HLTF: variants seen among roughly 807,000 people sequenced by gnomAD.
The protein encoded by HLTF is helicase like transcription factor.
A neutral mutation model predicts 129.4 loss-of-function variants in HLTF; 127 were observed. The ratio of observed to expected loss-of-function variants is 0.98; its 90% CI spans 0.85 to 1.14. HLTF has a LOEUF of 1.14. Among genes scored for constraint, HLTF ranks in the 50% most tolerant of loss-of-function variants. HLTF has a pLI of 0.00. For missense variants in HLTF, 1,139 were observed against 1,187.1 expected, an observed-to-expected ratio of 0.96 and a Z score of 0.60; for synonymous variants, 332 against 388.8, an observed-to-expected ratio of 0.85 and a Z score of 1.72.
intron 12 of HLTF, among the ~76,000 whole-genome samples, chr3:149,060,225 C>T (rs924684608): frequency 1.3e-5 from 2 of 152,068 alleles, no homozygotes; most frequent in Middle Eastern, 3.4e-3. Flanking sequence ...ATGTGAATTA[C>T]AGGAAAATAA....
In HLTF at chr3:149,086,450, G is replaced by C. The variant is rs1720434617; in HGVS notation, c.-114C>G. ...CCCTGAAGCCGGGGACAAATTCCGA[G>C]CGCCGGATCAGGAGCGCACGACTGA... On this transcript the variant is annotated 5_prime_UTR_variant, in exon 1 of 25. Coordinates refer to ENST00000310053, the MANE Select transcript of HLTF (RefSeq NM_003071.4). 7.8e-7 allele frequency: 1 copy of C among 1,284,550 alleles called. No homozygotes were observed. Among genetic ancestry groups the C allele is most frequent in the Non-Finnish European group, 1.1e-6 (1 of 913,736 alleles). The allele number at this position is 1,284,550 out of a possible 1,614,324, so 79.6% of individuals were successfully genotyped here. A position where few individuals can be genotyped will look rare whatever the true frequency, so the allele number is the denominator to read the frequency against.
intron 14 of HLTF, chr3:149,051,918 G>C (rs1717031557): frequency 6.6e-6 from 1 of 150,772 alleles, no homozygotes; most frequent in Non-Finnish European, 1.5e-5. Flanking sequence ...CCAACACTGG[G>C]AGGCCGAGGT....
At chr3:149,075,229 T>C (rs1414013025) in intron 3 of HLTF, among the ~76,000 whole-genome samples, 4 of 152,194 alleles carry the variant, frequency 2.6e-5, no homozygotes, top group Non-Finnish European at 5.9e-5. Flanking sequence ...TATCACAGAA[T>C]ACCAGTTTAT....
At chr3:149,084,515 C>A (rs1000496840) in intron 2 of HLTF, among the ~76,000 whole-genome samples, 167 bp downstream of exon 2, 4 of 152,156 alleles carry the variant, frequency 2.6e-5, no homozygotes, top group Admixed American at 2.0e-4. Flanking sequence ...CTCTGGGAGG[C>A]TGAGGTGGGA....
Position 149,039,071 on chromosome 3 carries a change from GA to G in HLTF, c.2773del (p.Ser925LeufsTer5). 1 of 1,583,848 alleles carries G rather than the reference GA, an allele frequency of 6.3e-7. No homozygotes were observed. The highest frequency in any genetic ancestry group is 1.2e-5 in the South Asian group (1 of 85,186). On this transcript the variant is annotated frameshift_variant, in exon 23 of 25. Coordinates refer to ENST00000310053, the MANE Select transcript of HLTF (RefSeq NM_003071.4). LOFTEE classifies it high-confidence loss of function. ...TACTGGATCCATTAAAAACACTCGA[GA>G]AGCTGCAGACAGATTCAAACCAACT... ...GGVGLNLSAA[S>X]RVFLMDPAWN...
At position 149,050,275 on chromosome 3, in the gene HLTF, T is replaced by A; in HGVS notation, c.1574A>T (p.Asp525Val). 2 of 1,598,676 alleles carry A rather than the reference T, an allele frequency of 1.3e-6. No homozygotes were observed. The highest frequency in any genetic ancestry group is 1.7e-6 in the Non-Finnish European group (2 of 1,167,136). Residue 525 changes from aspartate to valine, a missense_variant, in exon 15 of 25, where the codon GAT becomes GTT. Transcript: ENST00000310053. ...AATATTATACGTAGTCAAAACAATA[T>A]CCTGTTTTGAAAGTAAGGCCGGTTC... ...IREPALLSKQ[D>V]IVLTTYNILT...
At chr3:149,064,533 T>C (rs1174975681) in intron 9 of HLTF, among the ~76,000 whole-genome samples, 1 of 152,004 alleles carries the variant, frequency 6.6e-6, no homozygotes, top group Non-Finnish European at 1.5e-5. Flanking sequence ...TTTCATGAGA[T>C]TTTTTTTCAC....
rs191186227 is a variant in HLTF at position 149,079,571 on chromosome 3, T to C, written c.229-3524A>G. On this transcript the variant is annotated intron_variant, in intron 2 of 24. Coordinates refer to ENST00000310053, the MANE Select transcript of HLTF (RefSeq NM_003071.4). ...AAAGGAAGGCAATAGGATGGAGCTG[T>C]GAGCAAAGGTTTTTTTGGGGTTTTC... 4.9e-3 allele frequency among the ~76,000 whole-genome samples: 751 copies of C among 151,860 alleles called. 2 individuals carry two copies. Among genetic ancestry groups the C allele is most frequent in the Middle Eastern group, 0.014 (4 of 294 alleles).
chr3:149,064,904 T>C (rs753159370), intron 8 of HLTF, 38 bp from the exon 9 acceptor site: 23 of 1,188,508 alleles, frequency 1.9e-5, no homozygotes, highest in Non-Finnish European at 2.6e-5. Flanking sequence ...AGTACTGCTA[T>C]CAGTTTTAAA....
Position 149,041,659 on chromosome 3 carries a change from G to A in HLTF, c.2207C>T (p.Thr736Ile), listed in dbSNP as rs767087362. The change falls in exon 20 of 25, where the codon ACA (threonine) becomes ATA (isoleucine). Residue 736 changes from threonine to isoleucine, a missense_variant. Transcript: ENST00000310053. ...TAACTTCTTTCTCAGTTCTTCAGGTGTATCATTTCCTAGAGAAAAGGCTGA... is the reference window on the plus strand; with the variant it reads ...TAACTTCTTTCTCAGTTCTTCAGGTATATCATTTCCTAGAGAAAAGGCTGA... ...VSSNGPSGND[T>I]PEELRKKLIR... 1.0e-5 allele frequency: 16 copies of A among 1,607,312 alleles called. No homozygotes were observed. Among genetic ancestry groups the A allele is most frequent in the Non-Finnish European group, 1.2e-5 (14 of 1,175,068 alleles).
intron 12 of HLTF, 139 bp from the exon 13 acceptor site, chr3:149,059,946 G>A: frequency 1.7e-6 from 1 of 587,024 alleles, no homozygotes; most frequent in Admixed American, 3.8e-5. Context: ...TAAAATATTT[G>A]GTAACCAAAA....
rs372936393 is a variant in HLTF, at chr3:149,048,174, C to T, written c.1757-11G>A. On this transcript the variant is annotated splice_polypyrimidine_tract_variant and intron_variant, in intron 16 of 24. Transcript: ENST00000310053. ...TCTGGATTGGAGTACCTAGAAATAA[C>T]AGGAAACTGTTATAACTCTTTAACC... The T allele has an allele frequency of 1.9e-6, 3 of 1,596,278 alleles. No individual in the cohort carries two copies. The highest frequency in any genetic ancestry group is 2.2e-5 in the East Asian group (1 of 44,708).
intron 17 of HLTF, 58 bp from the exon 18 acceptor site, chr3:149,046,317 A>G: frequency 1.1e-6 from 1 of 937,676 alleles, no homozygotes; most frequent in African/African-American, 1.7e-5. Context: ...AATTGATCCA[A>G]GAAGAACGAA....
Position 149,075,568 on chromosome 3 carries a change from CAAAT to C in HLTF, c.395+309_395+312del, listed in dbSNP as rs1397937119. 5.9e-5 allele frequency among the ~76,000 whole-genome samples: 9 copies of C among 151,736 alleles called. No homozygotes were observed. In the South Asian group the frequency reaches 1.2e-3, roughly 21 times the overall value. Reference sequence around the variant, plus strand: ...CAAAATAAATAAATAAATAAATAAACAAATAAACACTTCCAAATTCCTAAACCTA... The same window carrying C: ...CAAAATAAATAAATAAATAAATAAACAAACACTTCCAAATTCCTAAACCTA... On this transcript the variant is annotated intron_variant, in intron 3 of 24. Transcript: ENST00000310053.
chr3:149,082,180 C>T (rs114001482), intron 2 of HLTF, among the ~76,000 whole-genome samples: 2,740 of 152,194 alleles, frequency 0.018, 88 homozygotes, highest in African/African-American at 0.062. Flanking sequence ...CTTGTGTGGC[C>T]GGGCGCAGTG....
chr3:149,048,877 C>T lies in HLTF; in HGVS notation c.1742G>A (p.Arg581Lys). The T allele has an allele frequency of 6.2e-7, 1 of 1,613,214 alleles. No homozygotes were observed. The highest frequency in any genetic ancestry group is 8.5e-7 in the Non-Finnish European group (1 of 1,179,344). The change falls in exon 16 of 25, where the codon AGA (arginine) becomes AAA (lysine). Residue 581 changes from arginine (R) to lysine (K), a missense_variant. By Grantham distance (26) the Arg-to-Lys change is conservative (BLOSUM62 2). Transcript: ENST00000310053. ...KAVLDLESER[R>K]WVLTGTPIQN... Reference sequence around the variant, plus strand: ...GCTATGATTACCTGTCAAAACCCATCTTCTTTCTGATTCTAAGTCAAGTAC... The same window carrying T: ...GCTATGATTACCTGTCAAAACCCATTTTCTTTCTGATTCTAAGTCAAGTAC...
intron 10 of HLTF, 72 bp from the exon 11 acceptor site, chr3:149,060,930 T>C: frequency 3.0e-6 from 3 of 999,372 alleles, no homozygotes; most frequent in South Asian, 1.5e-5. Flanking sequence ...ACATGTTTAA[T>C]AAATGCAATA....
At position 149,034,913 on chromosome 3, in the gene HLTF, C is replaced by A; in HGVS notation, c.2877+5G>T. 2 of 1,601,646 alleles carry A rather than the reference C, an allele frequency of 1.2e-6. No individual in the cohort carries two copies. Among genetic ancestry groups the A allele is most frequent in the Non-Finnish European group, 1.7e-6 (2 of 1,168,624 alleles). The stretch of plus-strand genomic sequence containing the variant: ...AGTCTTAAAATAGTTTGTTTAAAAA[C>A]TCACTTTTGTGATGATAACTTCTTG... On this transcript the variant is annotated splice_donor_5th_base_variant and intron_variant, in intron 24 of 24. Transcript: ENST00000310053.
At chr3:149,046,459 T>C (rs1305212692) in intron 17 of HLTF, among the ~76,000 whole-genome samples, 200 bp from the exon 18 acceptor site, 4 of 152,170 alleles carry the variant, frequency 2.6e-5, no homozygotes, top group African/African-American at 9.7e-5. Flanking sequence ...AACAAATGTA[T>C]GGAAATTTCC....
Sources: allele counts gnomAD v4.1 joint callset (sites outside exome capture counted in the v4.1 genomes callset), GRCh38; gene constraint gnomAD v4.1.1; transcripts MANE v1.5; gene names NCBI Gene and HGNC (gene_info 2026-07-23, HGNC 2026-07-21).